PLAAT1: variants seen among roughly 807,000 people sequenced by gnomAD.
PLAAT1 encodes H-REV107 protein-related protein.
A neutral mutation model predicts 16.4 loss-of-function variants in PLAAT1; 13 were observed. The observed-to-expected ratio is 0.79, with a 90% CI of 0.52 to 1.26. The LOEUF is 1.26. Among genes scored for constraint, PLAAT1 ranks in the 50% most tolerant of loss-of-function variants. The pLI, the probability that PLAAT1 is intolerant of heterozygous loss-of-function variation, is 0.00. For synonymous variants in PLAAT1, 73 were observed against 78.4 expected, an observed-to-expected ratio of 0.93 and a Z score of 0.36; for missense variants, 218 against 207.8, an observed-to-expected ratio of 1.05 and a Z score of -0.30.
intron 1 of PLAAT1, among the ~76,000 whole-genome samples, chr3:193,252,900 G>T (rs868376370): frequency 6.6e-6 from 1 of 151,842 alleles, no homozygotes. Flanking sequence ...GACTAGATGG[G>T]TATCATTTAA....
chr3:193,257,942 C>A (rs1185901065), intron 2 of PLAAT1, among the ~76,000 whole-genome samples: 1 of 152,180 alleles, frequency 6.6e-6, no homozygotes, highest in Non-Finnish European at 1.5e-5. Context: ...AGTGGTTTGC[C>A]AGGGACTCTC....
At chr3:193,245,323 T>A (rs1715939226) in intron 1 of PLAAT1, among the ~76,000 whole-genome samples, 1 of 152,210 alleles carries the variant, frequency 6.6e-6, no homozygotes, top group Non-Finnish European at 1.5e-5. Context: ...TTATTTCACT[T>A]AGCACAGTGT....
At chr3:193,248,730 C>A (rs963357261) in intron 1 of PLAAT1, among the ~76,000 whole-genome samples, 3 of 152,010 alleles carry the variant, frequency 2.0e-5, no homozygotes, top group Non-Finnish European at 4.4e-5. Flanking sequence ...TTTTTATTGA[C>A]AATTTTTAAA....
At chr3:193,254,400 A>G (rs768922995) in intron 1 of PLAAT1, among the ~76,000 whole-genome samples, 1 of 152,204 alleles carries the variant, frequency 6.6e-6, no homozygotes, top group South Asian at 2.1e-4. Flanking sequence ...TTGTTTCATA[A>G]ATGAGCATAT....
downstream of PLAAT1, chr3:193,279,396 A>G (rs1717377382): frequency 1.5e-5 from 24 of 1,613,852 alleles, no homozygotes; most frequent in East Asian, 2.2e-5. Flanking sequence ...CTTGAAAGTC[A>G]GAAAACAGAA....
At chr3:193,258,763 TAAA>T (rs779365071) in intron 2 of PLAAT1, among the ~76,000 whole-genome samples, 1 of 151,612 alleles carries the variant, frequency 6.6e-6, no homozygotes, top group African/African-American at 2.4e-5. Flanking sequence ...ATAATAATAA[TAAA>T]AAAACTACCA....
intron 3 of PLAAT1, among the ~76,000 whole-genome samples, chr3:193,269,759 C>T (rs1716920859): frequency 1.3e-5 from 2 of 152,186 alleles, no homozygotes; most frequent in South Asian, 4.2e-4. Context: ...CATCAAATTG[C>T]ACTCAAACCC....
intron 1 of PLAAT1, among the ~76,000 whole-genome samples, chr3:193,253,113 A>G (rs1165367040): frequency 1.3e-5 from 2 of 152,196 alleles, no homozygotes; most frequent in African/African-American, 4.8e-5. Flanking sequence ...CCATTAGATT[A>G]GATAATATCT....
intron 1 of PLAAT1, among the ~76,000 whole-genome samples, chr3:193,245,563 G>T (rs1715950931): frequency 6.6e-6 from 1 of 152,128 alleles, no homozygotes; most frequent in Admixed American, 6.5e-5. Context: ...CCAGAAGGAT[G>T]ATTTCTGGAT....
At chr3:193,263,848 A>G (rs1716680906) in intron 3 of PLAAT1, among the ~76,000 whole-genome samples, 1 of 152,162 alleles carries the variant, frequency 6.6e-6, no homozygotes, top group Non-Finnish European at 1.5e-5. Flanking sequence ...ATTGTTTTGT[A>G]GTATGACAAA....
In PLAAT1 at chr3:193,255,728, TG is replaced by T; in HGVS notation, c.80del (p.Gly27AlafsTer17). On this transcript the variant is annotated frameshift_variant, in exon 2 of 4. Coordinates refer to ENST00000264735, the MANE Select transcript of PLAAT1 (RefSeq NM_020386.5). LOFTEE classifies it high-confidence loss of function. ...GGGACTTGATCGAAGTGTTCCGTCCTGGCTATCAGCACTGGGCCCTGTACTT... is the reference window on the plus strand; with the variant it reads ...GGGACTTGATCGAAGTGTTCCGTCCTGCTATCAGCACTGGGCCCTGTACTT... ...PGDLIEVFRP[G>X]YQHWALYLGD... 6.2e-7 allele frequency: 1 copy of T among 1,613,394 alleles called. No homozygotes were observed. The highest frequency in any genetic ancestry group is 8.5e-7 in the Non-Finnish European group (1 of 1,179,538).
At chr3:193,278,293 C>T (rs1057372725), downstream of PLAAT1, among the ~76,000 whole-genome samples, 2 of 152,158 alleles carry the variant, frequency 1.3e-5, no homozygotes, top group African/African-American at 2.4e-5. Flanking sequence ...GTCTTCCTGC[C>T]GTCATCTAAT....
At chr3:193,256,720 G>C (rs1716389865) in intron 2 of PLAAT1, among the ~76,000 whole-genome samples, 1 of 152,066 alleles carries the variant, frequency 6.6e-6, no homozygotes, top group Admixed American at 6.6e-5. Flanking sequence ...ACCTTAAAAG[G>C]GTTCGTATCC....
At chr3:193,259,891 C>CA (rs1355255976) in intron 2 of PLAAT1, among the ~76,000 whole-genome samples, 1 of 151,702 alleles carries the variant, frequency 6.6e-6, no homozygotes, top group South Asian at 2.1e-4. Context: ...TGTATGGAAC[C>CA]AAAAAAGAGC....
chr3:193,259,976 CA>C (rs913419952), intron 2 of PLAAT1, among the ~76,000 whole-genome samples: 37 of 152,000 alleles, frequency 2.4e-4, no homozygotes, highest in Non-Finnish European at 8.8e-5. Flanking sequence ...CTATAGTAAC[CA>C]AAACATCATA....
At chr3:193,278,191 T>C (rs1367227389), downstream of PLAAT1, among the ~76,000 whole-genome samples, 2 of 152,196 alleles carry the variant, frequency 1.3e-5, no homozygotes, top group Non-Finnish European at 2.9e-5. Context: ...TCTTTGTAAC[T>C]CTAGTACCAA....
At chr3:193,261,889 C>G (rs112404353) in intron 2 of PLAAT1, among the ~76,000 whole-genome samples, 29 of 152,232 alleles carry the variant, frequency 1.9e-4, no homozygotes, top group African/African-American at 7.0e-4. Flanking sequence ...GCTCTGAGGA[C>G]TTGTAATGTG....
intron 2 of PLAAT1, among the ~76,000 whole-genome samples, chr3:193,259,624 C>T (rs1235993116): frequency 6.6e-6 from 1 of 151,984 alleles, no homozygotes; most frequent in Non-Finnish European, 1.5e-5. Context: ...AATTCATTTA[C>T]AATAGCCACA....
rs1716963750 is a variant in PLAAT1, at chr3:193,270,848, T to C, written c.*143T>C. ...CTCTTTAATAAATTGCTTACTGATA[T>C]TATCTTATCATTGAGCCAATGAAAT... is the stretch of plus-strand genomic sequence containing the variant. On this transcript the variant is annotated 3_prime_UTR_variant, in exon 4 of 4. Coordinates refer to ENST00000264735, the MANE Select transcript of PLAAT1 (RefSeq NM_020386.5). The C allele has an allele frequency of 2.1e-5, 28 of 1,340,696 alleles. No homozygotes were observed. The highest frequency in any genetic ancestry group is 2.6e-5 in the Non-Finnish European group (27 of 1,043,754). The allele number at this position is 1,340,696 out of a possible 1,614,324, so 83.0% of individuals were successfully genotyped here. A position where few individuals can be genotyped will look rare whatever the true frequency, so the allele number is the denominator to read the frequency against.
Sources: gnomAD v4.1 joint callset for allele counts (sites outside exome capture counted in the v4.1 genomes callset) on GRCh38, gnomAD v4.1.1 for gene constraint, MANE v1.5 for transcripts, NCBI Gene and HGNC (gene_info 2026-07-23, HGNC 2026-07-21) for gene names.